Variants in PSG5 observed in about 807,000 individuals in gnomAD.
PSG5 encodes pregnancy-specific beta-1-glycoprotein 5.
A neutral mutation model predicts 37.7 loss-of-function variants in PSG5; 53 were observed. The ratio of observed to expected loss-of-function variants is 1.41; its 90% CI spans 1.13 to 1.77. The LOEUF (loss-of-function observed/expected upper bound fraction) is 1.77. Ranked by LOEUF, PSG5 falls within the 40% of genes most tolerant of loss-of-function variation. The pLI is 0.00. For missense variants in PSG5, 547 were observed against 405.2 expected (o/e 1.35, Z -3.00); for synonymous variants, 221 against 155.4 (o/e 1.42, Z -3.14).
chr19:43,185,132 A>C lies in PSG5; in HGVS notation c.80T>G (p.Phe27Cys). Residue 27 changes from phenylalanine to cysteine, a missense_variant, in exon 2 of 6, where the codon TTC becomes TGC. By Grantham distance (205) the Phe-to-Cys change is radical. Coordinates refer to ENST00000342951, the MANE Select transcript of PSG5 (RefSeq NM_002781.4). ...TTGAGCAGTGATAGGCAGGTTCCAG[A>C]AGTTTAAAAGTGATGCTAGGAGGTG... Reference protein sequence around the residue: ...GLLLTASLLNFWNLPITAQVT... With the variant: ...GLLLTASLLNCWNLPITAQVT... The C allele has an allele frequency of 6.2e-7, 1 of 1,605,452 alleles. No homozygotes were observed.
intron 4 of PSG5, among the ~76,000 whole-genome samples, chr19:43,172,876 T>C (rs1277021170): frequency 6.6e-6 from 1 of 151,480 alleles, no homozygotes; most frequent in Non-Finnish European, 1.5e-5. Context: ...AAAAGACAAA[T>C]CTGTCCTAAA....
chr19:43,177,920 G>A (rs368364564), intron 2 of PSG5, among the ~76,000 whole-genome samples: 36 of 129,162 alleles, frequency 2.8e-4, no homozygotes, highest in African/African-American at 1.1e-3. Context: ...AGTTTTCAGG[G>A]TATAATCATT....
chr19:43,184,394 G>T (rs901937624), intron 2 of PSG5, among the ~76,000 whole-genome samples: 1 of 151,622 alleles, frequency 6.6e-6, no homozygotes, highest in African/African-American at 2.4e-5. Flanking sequence ...GAGGTCTGGG[G>T]TTGAGGCTTC....
chr19:43,170,500 ACT>A (rs1303168621), intron 4 of PSG5: 2 of 448,190 alleles, frequency 4.5e-6, no homozygotes, highest in Non-Finnish European at 8.7e-6. Context: ...CATGAATGAG[ACT>A]CTGTCAGGTC....
At chr19:43,174,794 T>A in intron 4 of PSG5, 1 of 1,171,628 alleles carries the variant, frequency 8.5e-7, no homozygotes, top group Non-Finnish European at 1.1e-6. Flanking sequence ...CTCGTCTCAT[T>A]TGGGGGAAAA....
Position 43,170,134 on chromosome 19 carries a change from A to T in PSG5, c.969T>A (p.Pro323=). 1 of 1,585,838 alleles carries T rather than the reference A, an allele frequency of 6.3e-7. No individual in the cohort carries two copies. The highest frequency in any genetic ancestry group is 8.6e-7 in the Non-Finnish European group (1 of 1,159,300). The change falls in exon 5 of 6, where the codon CCT becomes CCA. Residue 323 remains proline, a synonymous_variant. Transcript: ENST00000342951. ...SKSMTVEVSA[P]SGIGRLPLLN... is the part of the protein sequence containing the mutation. ...GGAGAGGAAGACGTCCTATTCCTGA[A>T]GGAGCTGTCATGGAAAGAAAAGTAA...
chr19:43,170,212 T>C, intron 4 of PSG5, 74 bp from the exon 5 acceptor site: 2 of 1,277,204 alleles, frequency 1.6e-6, no homozygotes, highest in Non-Finnish European at 1.1e-6. Flanking sequence ...GGAAGAGGCA[T>C]GTAGCATGAG....
rs1025882455 is a variant in PSG5 at position 43,186,209 on chromosome 19, C to A, written c.64+133G>T. The A allele has an allele frequency of 2.7e-6, 4 of 1,472,456 alleles. No homozygotes were observed. In the South Asian group the frequency reaches 4.8e-5, roughly 18 times the overall value. The allele number at this position is 1,472,456 out of a possible 1,614,324, so 91.2% of individuals were successfully genotyped here. A position where few individuals can be genotyped will look rare whatever the true frequency, so the allele number is the denominator to read the frequency against. Reference sequence around the variant, plus strand: ...GCAGGACTGACCTTGAACTCCTGATCTCATAATCCACCCACCTCATCCTCC... The same window carrying A: ...GCAGGACTGACCTTGAACTCCTGATATCATAATCCACCCACCTCATCCTCC... On this transcript the variant is annotated intron_variant, in intron 1 of 5. Coordinates refer to ENST00000342951, the MANE Select transcript of PSG5 (RefSeq NM_002781.4).
rs200578051 is a variant in PSG5 at position 43,185,438 on chromosome 19, C to A, written c.65-291G>T. Reference sequence around the variant, plus strand: ...CAGGGGTCCACACGGCACCCCCCCCCCCCCACACTGCCCTCAGGTCCTGCT... The same window carrying A: ...CAGGGGTCCACACGGCACCCCCCCCACCCCACACTGCCCTCAGGTCCTGCT... On this transcript the variant is annotated intron_variant, in intron 1 of 5. Transcript: ENST00000342951. Among the ~76,000 whole-genome samples, 25 of 150,014 alleles carry A rather than the reference C, an allele frequency of 1.7e-4. 2 individuals carry two copies. The highest frequency in any genetic ancestry group is 3.0e-4 in the Non-Finnish European group (20 of 67,368).
intron 2 of PSG5, among the ~76,000 whole-genome samples, chr19:43,178,513 G>T (rs4028462): frequency 1.3e-5 from 2 of 151,666 alleles, no homozygotes; most frequent in African/African-American, 4.9e-5. Context: ...AGGTGACATT[G>T]TCAGAGGGAA....
chr19:43,186,522 G>A lies in PSG5; in HGVS notation c.-117C>T, dbSNP rs541975651. 1.2e-5 allele frequency: 18 copies of A among 1,498,398 alleles called. 1 individual carries two copies. Among genetic ancestry groups the A allele is most frequent in the African/African-American group, 8.5e-5 (6 of 70,550 alleles). 92.8% of individuals were successfully genotyped at this position (1,498,398 alleles called of 1,614,324 possible). ...CTTCTGTGCTGAGCCTCTCTCCAGG[G>A]CAGGAGCACTTCTCAGGCTCATGGG... On this transcript the variant is annotated 5_prime_UTR_variant, in exon 1 of 6. Coordinates refer to ENST00000342951, the MANE Select transcript of PSG5 (RefSeq NM_002781.4).
At chr19:43,177,202 G>T (rs991492856) in intron 2 of PSG5, among the ~76,000 whole-genome samples, 6 of 151,632 alleles carry the variant, frequency 4.0e-5, no homozygotes, top group Admixed American at 3.3e-4. Flanking sequence ...TGGGAGTGGG[G>T]AGAATCAGAA....
intron 5 of PSG5, 101 bp downstream of exon 5, chr19:43,169,954 G>A (rs1410201753): frequency 8.6e-6 from 6 of 696,984 alleles, no homozygotes; most frequent in Non-Finnish European, 1.5e-5. Context: ...GTGGAGGAAG[G>A]AGGAGATGCA....
chr19:43,168,656 GC>G (rs1968839329), intron 5 of PSG5, among the ~76,000 whole-genome samples: 1 of 151,762 alleles, frequency 6.6e-6, no homozygotes, highest in Non-Finnish European at 1.5e-5. Flanking sequence ...GCAGGCGTGA[GC>G]CATCGCGCCC....
Position 43,175,414 on chromosome 19 carries a change from T to G in PSG5, c.765A>C (p.Glu255Asp), listed in dbSNP as rs752104974. The G allele has an allele frequency of 6.2e-7, 1 of 1,612,830 alleles. No individual in the cohort carries two copies. Residue 255 changes from glutamate to aspartate, a missense_variant, in exon 4 of 6, where the codon GAA becomes GAC. Transcript: ENST00000342951. ...YPSFTYYRSG[E>D]NLYLSCFAES... ...CCGCGAAGCAGGACAAGTAGAGGTTTTCTCCTGAACGGTAATAGGTGAATG... is the reference window on the plus strand; with the variant it reads ...CCGCGAAGCAGGACAAGTAGAGGTTGTCTCCTGAACGGTAATAGGTGAATG...
intron 2 of PSG5, among the ~76,000 whole-genome samples, chr19:43,181,702 C>G (rs7250922): frequency 0.15 from 22,844 of 151,704 alleles, 2,311 homozygotes; most frequent in East Asian, 0.37. Flanking sequence ...TTGTGCCCGC[C>G]TCGGCCTCCC....
At chr19:43,174,158 A>G (rs1968956963) in intron 4 of PSG5, 2 of 151,768 alleles carry the variant, frequency 1.3e-5, no homozygotes, top group African/African-American at 4.9e-5. Flanking sequence ...GATAGTTAGA[A>G]TAGCCAGTTA....
At chr19:43,178,101 A>G (rs754883209) in intron 2 of PSG5, among the ~76,000 whole-genome samples, 29 of 151,734 alleles carry the variant, frequency 1.9e-4, no homozygotes, top group Non-Finnish European at 3.7e-4. Context: ...TTGGAGCAGA[A>G]ACATACTCCC....
chr19:43,184,645 C>A lies in PSG5; in HGVS notation c.430+137G>T, dbSNP rs768633631. 54 of 1,506,500 alleles carry A rather than the reference C, an allele frequency of 3.6e-5. 1 individual carries two copies. The highest frequency in any genetic ancestry group is 1.7e-4 in the Admixed American group (10 of 59,458). 93.3% of individuals were successfully genotyped at this position (1,506,500 alleles called of 1,614,324 possible). A position where few individuals can be genotyped will look rare whatever the true frequency, so the allele number is the denominator to read the frequency against. ...ATTTGTCTCCTCTGTGTGTGTCCTGCACTAAATGCCCAAACCGCAGCATGG... is the reference window on the plus strand; with the variant it reads ...ATTTGTCTCCTCTGTGTGTGTCCTGAACTAAATGCCCAAACCGCAGCATGG... On this transcript the variant is annotated intron_variant, in intron 2 of 5. Coordinates refer to ENST00000342951, the MANE Select transcript of PSG5 (RefSeq NM_002781.4).
Sources: gnomAD v4.1 joint callset for allele counts (sites outside exome capture counted in the v4.1 genomes callset) on GRCh38, gnomAD v4.1.1 for gene constraint, MANE v1.5 for transcripts, NCBI Gene and HGNC (gene_info 2026-07-23, HGNC 2026-07-21) for gene names.